The following CELF2 variants were observed in gnomAD, a reference collection of about 807,000 sequenced individuals.
CELF2 encodes the protein CUGBP Elav-like family member 2.
Under a neutral mutation model 62.6 loss-of-function variants are expected in CELF2, and 8 were observed. That is an observed-to-expected ratio of 0.13 (90% CI 0.07 to 0.23). The LOEUF (loss-of-function observed/expected upper bound fraction) is 0.23. Among genes scored for constraint, CELF2 ranks in the 10% least tolerant of loss-of-function variants. The pLI is 1.00. For synonymous variants in CELF2, 258 were observed against 250.0 expected (o/e 1.03, Z -0.30); for missense variants, 333 against 671.0 (o/e 0.50, Z 5.56).
chr10:10,943,005 C>A (rs993037561), intron 2 of CELF2, among the ~76,000 whole-genome samples: 1 of 152,224 alleles, frequency 6.6e-6, no homozygotes, highest in Non-Finnish European at 1.5e-5. Flanking sequence ...TATTTTCCAA[C>A]AAGCCGGGAT....
chr10:10,799,301 A>G, intron 1 of CELF2, among the ~76,000 whole-genome samples: 1 of 148,426 alleles, frequency 6.7e-6, no homozygotes, highest in Non-Finnish European at 1.5e-5. Context: ...CCAACATGGC[A>G]AAACCACCCC....
chr10:10,707,178 T>C, the CELF2 span, among the ~76,000 whole-genome samples: 2 of 152,216 alleles, frequency 1.3e-5, no homozygotes, highest in African/African-American at 4.8e-5. Context: ...GTGAGTACTC[T>C]AGTAAAACTA....
chr10:11,057,065 T>G (rs1594238429), intron 1 of CELF2, among the ~76,000 whole-genome samples: 1 of 152,144 alleles, frequency 6.6e-6, no homozygotes, highest in Non-Finnish European at 1.5e-5. Flanking sequence ...GGGCAATTAG[T>G]GAGCAGCCGT....
the CELF2 span, among the ~76,000 whole-genome samples, chr10:10,686,394 G>T: frequency 6.6e-6 from 1 of 151,558 alleles, no homozygotes. Flanking sequence ...GTCAAACTGG[G>T]CAAAGTCCCC....
At chr10:11,185,323 C>T (rs1050134504) in intron 2 of CELF2, among the ~76,000 whole-genome samples, 11 of 151,878 alleles carry the variant, frequency 7.2e-5, no homozygotes, top group South Asian at 4.2e-4. Context: ...TACAGGTGCA[C>T]GTCACCACAC....
the CELF2 span, among the ~76,000 whole-genome samples, chr10:10,632,509 TGAAGGCAGAG>T: frequency 6.6e-6 from 1 of 152,062 alleles, no homozygotes; most frequent in African/African-American, 2.4e-5. Flanking sequence ...CTGGGAAAGG[TGAAGGCAGAG>T]GAATGCTCTG....
chr10:10,623,453 G>A, the CELF2 span, among the ~76,000 whole-genome samples: 3 of 152,198 alleles, frequency 2.0e-5, no homozygotes, highest in African/African-American at 7.2e-5. Flanking sequence ...ATTATGTCAT[G>A]CTGGCAGTAT....
intron 5 of CELF2, among the ~76,000 whole-genome samples, chr10:11,259,750 C>G (rs2079924634): frequency 6.6e-6 from 1 of 152,184 alleles, no homozygotes; most frequent in Non-Finnish European, 1.5e-5. Context: ...CTAATCACAC[C>G]TGGTGGTCCA....
chr10:10,934,501 G>A lies in CELF2; in HGVS notation c.89+14502G>A, dbSNP rs899397857. 5 of 152,162 alleles carry A rather than the reference G, an allele frequency of 3.3e-5. No individual in the cohort carries two copies. The highest frequency in any genetic ancestry group is 4.4e-5 in the Non-Finnish European group (3 of 68,022). 9.4% of individuals were successfully genotyped at this position (152,162 alleles called of 1,614,324 possible). On this transcript the variant is annotated intron_variant, in intron 2 of 13. Coordinates refer to the CELF2 transcript ENST00000636488. This position sits in a 1 kb window ranked among gnomAD's most constrained non-coding sequence, Gnocchi z 4.4. Reference sequence around the variant, plus strand: ...GACTGCTCATTGTAGAAACAAAAACGAAATAGTTGATTACAGAAAATATTG... The same window carrying A: ...GACTGCTCATTGTAGAAACAAAAACAAAATAGTTGATTACAGAAAATATTG...
chr10:11,153,009 C>A (rs931179260), intron 1 of CELF2, among the ~76,000 whole-genome samples: 11 of 152,212 alleles, frequency 7.2e-5, no homozygotes, highest in Non-Finnish European at 1.3e-4. Flanking sequence ...CTTCCAGAAG[C>A]AAAAACAGAT....
the CELF2 span, among the ~76,000 whole-genome samples, chr10:10,466,866 T>C: frequency 1.3e-5 from 2 of 152,102 alleles, no homozygotes; most frequent in African/African-American, 4.8e-5. Context: ...TAATATTTTG[T>C]CCAATTTTTA....
At chr10:10,843,593 T>C (rs999235987) in intron 1 of CELF2, among the ~76,000 whole-genome samples, 4 of 152,018 alleles carry the variant, frequency 2.6e-5, no homozygotes, top group East Asian at 1.9e-4. Context: ...CATAATGGGA[T>C]CTATCTTGGT....
intron 9 of CELF2, among the ~76,000 whole-genome samples, chr10:11,303,522 C>T (rs951535915): frequency 2.0e-5 from 3 of 152,226 alleles, no homozygotes; most frequent in Non-Finnish European, 4.4e-5. Flanking sequence ...AGACTGAACA[C>T]ACGTTTATTG....
At chr10:10,774,555 G>A in the CELF2 span, among the ~76,000 whole-genome samples, 12,007 of 152,172 alleles carry the variant, frequency 0.079, 680 homozygotes, top group East Asian at 0.19. Context: ...CCCCGCTCTC[G>A]CTCCTGCCAT....
the CELF2 span, among the ~76,000 whole-genome samples, chr10:10,673,619 G>A: frequency 6.6e-6 from 1 of 151,968 alleles, no homozygotes; most frequent in East Asian, 1.9e-4. Context: ...TCTTACAGTA[G>A]AAGCTGAGAT....
chr10:10,816,676 T>A (rs564253763), intron 1 of CELF2, among the ~76,000 whole-genome samples: 1 of 152,346 alleles, frequency 6.6e-6, no homozygotes, highest in African/African-American at 2.4e-5. Context: ...GGGCCTTGGA[T>A]AAACAAACTT....
chr10:10,478,494 T>C, the CELF2 span, among the ~76,000 whole-genome samples: 1 of 97,402 alleles, frequency 1.0e-5, no homozygotes, highest in Admixed American at 1.2e-4. Flanking sequence ...AATTTTGTTT[T>C]GGAGAAAAAA....
At chr10:10,738,400 C>T in the CELF2 span, among the ~76,000 whole-genome samples, 2 of 152,152 alleles carry the variant, frequency 1.3e-5, no homozygotes, top group Non-Finnish European at 2.9e-5. Context: ...AAAAGAGTGA[C>T]TTGACAGCGG....
intron 1 of CELF2, among the ~76,000 whole-genome samples, chr10:11,059,176 G>T (rs539872403): frequency 2.0e-5 from 3 of 152,290 alleles, no homozygotes; most frequent in East Asian, 1.9e-4. Context: ...CTAGAACGCA[G>T]GCTCTCTGAC....
Sources: allele counts gnomAD v4.1 joint callset (sites outside exome capture counted in the v4.1 genomes callset), GRCh38; gene constraint gnomAD v4.1.1; non-coding constraint Gnocchi (gnomAD v3.1); transcripts MANE v1.5; gene names NCBI Gene and HGNC (gene_info 2026-07-23, HGNC 2026-07-21).